Variants in ITPKC observed in about 807,000 individuals in gnomAD.
The protein encoded by ITPKC is IP3 3-kinase C.
Under a neutral mutation model 67.1 loss-of-function variants are expected in ITPKC, and 33 were observed. The observed-to-expected ratio is 0.49, with a 90% confidence interval of 0.37 to 0.66. The LOEUF is 0.66. Among genes scored for constraint, ITPKC ranks in the 30% least tolerant of loss-of-function variants. ITPKC has a pLI of 0.00. For missense variants in ITPKC, 820 were observed against 892.1 expected (o/e 0.92, Z 1.03); for synonymous variants, 341 against 359.8 (o/e 0.95, Z 0.59).
chr19:40,728,486 T>G (rs778888648), intron 2 of ITPKC, among the ~76,000 whole-genome samples: 1 of 152,196 alleles, frequency 6.6e-6, no homozygotes, highest in Non-Finnish European at 1.5e-5. Flanking sequence ...AGGAAATGCT[T>G]GATCTATAAA....
intron 3 of ITPKC, among the ~76,000 whole-genome samples, chr19:40,731,595 G>GT (rs776003885): frequency 0.35 from 28,735 of 81,310 alleles, 5,454 homozygotes; most frequent in East Asian, 0.59. Context: ...CCAATCCTTG[G>GT]TTTTTTTTTT....
At chr19:40,726,351 A>G (rs1207782641) in intron 2 of ITPKC, among the ~76,000 whole-genome samples, 1 of 152,116 alleles carries the variant, frequency 6.6e-6, no homozygotes, top group African/African-American at 2.4e-5. Context: ...CAGCTGTAAC[A>G]TTTTGCCCCC....
chr19:40,719,760 G>A (rs1371263119), intron 1 of ITPKC, among the ~76,000 whole-genome samples: 1 of 151,972 alleles, frequency 6.6e-6, no homozygotes, highest in Non-Finnish European at 1.5e-5. Context: ...CGAAGTGCTG[G>A]AATTACCAGC....
At chr19:40,719,119 A>G (rs543434845) in intron 1 of ITPKC, among the ~76,000 whole-genome samples, 1 of 152,254 alleles carries the variant, frequency 6.6e-6, no homozygotes, top group South Asian at 2.1e-4. Context: ...TCAGCTTGCC[A>G]GCTTGCCTGC....
chr19:40,732,758 G>GT (rs2082277657), intron 3 of ITPKC, among the ~76,000 whole-genome samples: 1 of 151,984 alleles, frequency 6.6e-6, no homozygotes, highest in South Asian at 2.1e-4. Context: ...CAGTTTGTCA[G>GT]TTTTTTTCAT....
Position 40,739,701 on chromosome 19 carries a change from C to A in ITPKC, c.*141C>A. 1 of 708,060 alleles carries A rather than the reference C, an allele frequency of 1.4e-6. No individual in the cohort carries two copies. The highest frequency in any genetic ancestry group is 2.3e-6 in the Non-Finnish European group (1 of 431,802). 43.9% of individuals were successfully genotyped at this position (708,060 alleles called of 1,614,324 possible). On this transcript the variant is annotated 3_prime_UTR_variant, in exon 7 of 7. Transcript: ENST00000263370. Reference sequence around the variant, plus strand: ...GATTGTGTCATGTGCCACACGAGACCAACGTGGAAAAGTCTGAAGGGCCTT... The same window carrying A: ...GATTGTGTCATGTGCCACACGAGACAAACGTGGAAAAGTCTGAAGGGCCTT...
intron 6 of ITPKC, 145 bp from the exon 7 acceptor site, chr19:40,739,212 A>G (rs1227853082): frequency 8.1e-6 from 5 of 619,830 alleles, no homozygotes; most frequent in African/African-American, 3.7e-5. Context: ...AAGGCTGCAC[A>G]GACAGGAGGT....
Position 40,724,927 on chromosome 19 carries a change from GA to G in ITPKC, c.1156-412del, listed in dbSNP as rs1355725998. On this transcript the variant is annotated intron_variant, in intron 1 of 6. Transcript: ENST00000263370. ...CATACCACTGCACTCTGGACTAGGT[GA>G]CAGAGACCCTGTCTCAATTAAAAAA... is the stretch of plus-strand genomic sequence containing the variant. Among the ~76,000 whole-genome samples the G allele has an allele frequency of 6.1e-5, 9 of 148,262 alleles. No homozygotes were observed. In the Admixed American group the frequency reaches 6.1e-4, roughly 10 times the overall value.
At chr19:40,731,362 G>T (rs1447408535) in intron 3 of ITPKC, among the ~76,000 whole-genome samples, 1 of 152,194 alleles carries the variant, frequency 6.6e-6, no homozygotes, top group Non-Finnish European at 1.5e-5. Flanking sequence ...ATGACCTGAG[G>T]TAGAAGAGTT....
rs929152824 is a variant in ITPKC at position 40,739,352 on chromosome 19, G to T, written c.1849-5G>T. The T allele has an allele frequency of 1.2e-6, 2 of 1,612,538 alleles. No individual in the cohort carries two copies. The highest frequency in any genetic ancestry group is 1.7e-6 in the Non-Finnish European group (2 of 1,179,160). On this transcript the variant is annotated splice_polypyrimidine_tract_variant and splice_region_variant and intron_variant, in intron 6 of 6. Coordinates refer to ENST00000263370, the MANE Select transcript of ITPKC (RefSeq NM_025194.3). The stretch of plus-strand genomic sequence containing the variant: ...TCCCTTAACCTCCCGTCTCTACCCC[G>T]GCAGGTGGTAGGCAGCTCCCTCCTC...
At chr19:40,732,893 G>A (rs1226114421) in intron 3 of ITPKC, among the ~76,000 whole-genome samples, 2 of 152,208 alleles carry the variant, frequency 1.3e-5, no homozygotes, top group East Asian at 1.9e-4. Flanking sequence ...TTCTGTGTGT[G>A]GGAGGTAGGG....
At chr19:40,737,668 G>A (rs773097589) in intron 5 of ITPKC, 30 bp from the exon 6 acceptor site, 1 of 1,609,176 alleles carries the variant, frequency 6.2e-7, no homozygotes, top group Non-Finnish European at 8.5e-7. Flanking sequence ...AAGTCCCCAT[G>A]CTAACCAAAG....
In ITPKC at chr19:40,718,197, C is replaced by A; in HGVS notation, c.1062C>A (p.Ser354Arg). ...VGPPSRVEGGSGGFSSASSFD... is the reference protein window; with the variant it reads ...VGPPSRVEGGRGGFSSASSFD... ...CCCCCTCCCGGGTTGAGGGGGGCAG[C>A]GGCGGCTTCTCCTCTGCCTCTTCTT... is the stretch of plus-strand genomic sequence containing the variant. Residue 354 changes from serine (S) to arginine (R), a missense_variant, in exon 1 of 7, where the codon AGC becomes AGA. Physicochemically the swap from Ser to Arg is moderately radical, Grantham distance 110. Around this residue, in one of 2 missense-constraint regions of ITPKC, gnomAD observed 481 missense variants for 470.1 expected, o/e 1.02. Transcript: ENST00000263370. The A allele has an allele frequency of 6.4e-7, 1 of 1,570,410 alleles. No homozygotes were observed. Among genetic ancestry groups the A allele is most frequent in the East Asian group, 2.2e-5 (1 of 44,524 alleles).
At chr19:40,726,581 G>C (rs759000567) in intron 2 of ITPKC, among the ~76,000 whole-genome samples, 16 of 152,162 alleles carry the variant, frequency 1.1e-4, no homozygotes, top group Non-Finnish European at 1.8e-4. Flanking sequence ...CCAGCAGCAG[G>C]CTGGACTAGA....
At chr19:40,726,818 G>A (rs1301321576) in intron 2 of ITPKC, among the ~76,000 whole-genome samples, 3 of 152,064 alleles carry the variant, frequency 2.0e-5, no homozygotes, top group Non-Finnish European at 4.4e-5. Flanking sequence ...GAGGTGGGAG[G>A]ATCACTTGAG....
Position 40,717,212 on chromosome 19 carries a change from T to A in ITPKC, c.77T>A (p.Leu26Gln), listed in dbSNP as rs1599644403. The A allele has an allele frequency of 1.2e-5, 15 of 1,238,128 alleles. No individual in the cohort carries two copies. Among genetic ancestry groups the A allele is most frequent in the Non-Finnish European group, 1.5e-5 (15 of 994,994 alleles). 76.7% of individuals were successfully genotyped at this position (1,238,128 alleles called of 1,614,324 possible). ...CTGCCCGCGGCGGCCCGCATGGGAC[T>A]GGAGGCGCCGCGAGGAGGGCGGCGG... The part of the protein sequence containing the change: ...GALPAAARMG[L>Q]EAPRGGRRRQ... The change falls in exon 1 of 7, where the codon CTG (leucine) becomes CAG (glutamine). Residue 26 changes from leucine to glutamine, a missense_variant. Physicochemically the swap from Leu to Gln is moderately radical, Grantham distance 113. This residue lies in a region of ITPKC where 481 missense variants were observed against 470.1 expected (regional missense o/e 1.02). Transcript: ENST00000263370.
intron 1 of ITPKC, 107 bp downstream of exon 1, chr19:40,718,397 A>C: frequency 1.4e-6 from 2 of 1,393,398 alleles, no homozygotes; most frequent in South Asian, 3.4e-5. Flanking sequence ...GCCCACCAGC[A>C]ATTTCATCTC....
chr19:40,719,977 CTG>C (rs1184713499), intron 1 of ITPKC, among the ~76,000 whole-genome samples: 1 of 144,348 alleles, frequency 6.9e-6, no homozygotes, highest in Non-Finnish European at 1.5e-5. Context: ...CAATTTTTTT[CTG>C]TCATTTTTTA....
chr19:40,734,730 T>C (rs1009071753), intron 4 of ITPKC, among the ~76,000 whole-genome samples: 3 of 150,764 alleles, frequency 2.0e-5, no homozygotes, highest in Non-Finnish European at 4.4e-5. Flanking sequence ...CACCTCAGCT[T>C]CCTGACTTGA....
Sources: allele counts gnomAD v4.1 joint callset (sites outside exome capture counted in the v4.1 genomes callset), GRCh38; gene constraint gnomAD v4.1.1; regional missense constraint gnomAD v4.1.1; transcripts MANE v1.5; gene names NCBI Gene and HGNC (gene_info 2026-07-23, HGNC 2026-07-21).